REXO4: variants seen among roughly 807,000 people sequenced by gnomAD.
REXO4 encodes RNA exonuclease 4.
In REXO4, 29 loss-of-function variants were observed where a neutral mutation model predicts 39.9. The ratio of observed to expected loss-of-function variants is 0.73; its 90% confidence interval spans 0.54 to 0.99. REXO4 has a LOEUF of 0.99. REXO4 is among the 50% of genes least tolerant of loss of function. The pLI, the probability that REXO4 is intolerant of heterozygous loss-of-function variation, is 0.00. For synonymous variants in REXO4, 184 were observed against 206.2 expected (o/e 0.89, Z 0.92); for missense variants, 524 against 546.5 (o/e 0.96, Z 0.41).
chr9:133,410,827 A>G (rs1415274141), intron 5 of REXO4, among the ~76,000 whole-genome samples, 158 bp downstream of exon 5: 2 of 152,188 alleles, frequency 1.3e-5, no homozygotes, highest in Non-Finnish European at 2.9e-5. Flanking sequence ...CCTAAAACAC[A>G]GTAAGAACTC....
In REXO4 at chr9:133,406,889, T is replaced by C; in HGVS notation, c.*64A>G. On this transcript the variant is annotated 3_prime_UTR_variant, in exon 8 of 8. Coordinates refer to ENST00000371942, the MANE Select transcript of REXO4 (RefSeq NM_020385.4). ...GAGTTGCCACTCTGGGGAGATGTGA[T>C]CTGTCCCTGTGACTGGTCACATTGC... The C allele has an allele frequency of 6.3e-7, 1 of 1,599,224 alleles. No individual in the cohort carries two copies. The highest frequency in any genetic ancestry group is 8.5e-7 in the Non-Finnish European group (1 of 1,177,912).
rs1839064696 is a variant in REXO4 at position 133,408,934 on chromosome 9, T to TGTGTGTGTGTGTG, written c.1000-93_1000-92insCACACACACACAC. On this transcript the variant is annotated intron_variant, in intron 5 of 7. Transcript: ENST00000371942. ...CCGCCACCTTTTGCAAGTAACATCT[T>TGTGTGTGTGTGTG]TGTGTGTGTGTGTGTGTGTGTGTGT... 1.1e-3 allele frequency: 346 copies of TGTGTGTGTGTGTG among 322,010 alleles called. 39 individuals carry two copies. Among genetic ancestry groups the TGTGTGTGTGTGTG allele is most frequent in the East Asian group, 2.6e-3 (35 of 13,278 alleles). The allele number at this position is 322,010 out of a possible 1,614,324, so 19.9% of individuals were successfully genotyped here.
In REXO4 at chr9:133,410,254, T is replaced by C. The variant is rs1368998121; in HGVS notation, c.999+731A>G. The stretch of plus-strand genomic sequence containing the variant: ...TAAGTGTCTCTCCCATCTAGCAGAC[T>C]GGCCTCCCCGCTGTTCCCACTGTGT... On this transcript the variant is annotated intron_variant, in intron 5 of 7. Transcript: ENST00000371942. Among the ~76,000 whole-genome samples, 3 of 152,210 alleles carry C rather than the reference T, an allele frequency of 2.0e-5. No individual in the cohort carries two copies. In the East Asian group the frequency reaches 5.8e-4, roughly 29 times the overall value.
chr9:133,415,096 T>A, intron 1 of REXO4, 85 bp from the exon 2 acceptor site: 1 of 937,648 alleles, frequency 1.1e-6, no homozygotes, highest in Non-Finnish European at 1.6e-6. Context: ...TGTATGTATA[T>A]ACACACATAT....
In REXO4 at chr9:133,414,765, CTTTCT is replaced by C; in HGVS notation, c.467_471del (p.Lys156ArgfsTer9). The C allele has an allele frequency of 1.9e-6, 3 of 1,614,176 alleles. No individual in the cohort carries two copies. The highest frequency in any genetic ancestry group is 2.5e-6 in the Non-Finnish European group (3 of 1,180,032). ...TCACCATTTGTCCTTTCCTTGGTTCCTTTCTTATTGTGCTCTGTTCCACTGGCCTT... is the reference window on the plus strand; with the variant it reads ...TCACCATTTGTCCTTTCCTTGGTTCCTATTGTGCTCTGTTCCACTGGCCTT... On this transcript the variant is annotated frameshift_variant, in exon 2 of 8. Coordinates refer to ENST00000371942, the MANE Select transcript of REXO4 (RefSeq NM_020385.4). LOFTEE classifies it high-confidence loss of function.
chr9:133,418,072 G>A (rs1664687224), upstream of REXO4: 1 of 551,438 alleles, frequency 1.8e-6, no homozygotes, highest in South Asian at 2.3e-5. Flanking sequence ...GCTGGAAACC[G>A]GATCCCTGCC....
chr9:133,414,358 C>G (rs1554780943), intron 2 of REXO4: 1 of 583,216 alleles, frequency 1.7e-6, no homozygotes, highest in Admixed American at 2.2e-5. Context: ...CCAAACCACC[C>G]AACTGGCGAG....
chr9:133,411,125 A>G lies in REXO4; in HGVS notation c.911-52T>C, dbSNP rs1839191276. On this transcript the variant is annotated intron_variant, in intron 4 of 7. Transcript: ENST00000371942. The stretch of plus-strand genomic sequence containing the variant: ...TTTTTGCAACACACACATCACCATC[A>G]TTCTGTGAGGAGGCAGCCCCGCTCC... The G allele has an allele frequency of 8.2e-6, 12 of 1,464,586 alleles. No individual in the cohort carries two copies. In the Admixed American group the frequency reaches 1.0e-4, roughly 12 times the overall value. The allele number at this position is 1,464,586 out of a possible 1,614,324, so 90.7% of individuals were successfully genotyped here.
intron 1 of REXO4, among the ~76,000 whole-genome samples, chr9:133,416,916 G>A (rs1839652913): frequency 6.6e-6 from 1 of 152,234 alleles, no homozygotes; most frequent in Non-Finnish European, 1.5e-5. Flanking sequence ...AAGACCGTAA[G>A]TGTCGCTAGA....
At position 133,407,937 on chromosome 9, in the gene REXO4, C is replaced by A; in HGVS notation, c.1075-56G>T. On this transcript the variant is annotated intron_variant, in intron 6 of 7. Transcript: ENST00000371942. ...TCTGCAGGCTCGGCCCAAAGAGGGT[C>A]ACCCCACCAAGCAGGGAGCGGTTGG... 2.1e-6 allele frequency: 3 copies of A among 1,411,290 alleles called. No individual in the cohort carries two copies. The South Asian group carries it at 3.5e-5, about 17-fold the overall frequency. The allele number at this position is 1,411,290 out of a possible 1,614,324, so 87.4% of individuals were successfully genotyped here. A position where few individuals can be genotyped will look rare whatever the true frequency, so the allele number is the denominator to read the frequency against.
chr9:133,411,000 CAG>C lies in REXO4; in HGVS notation c.982_983del (p.Leu328AlafsTer2). On this transcript the variant is annotated frameshift_variant, in exon 5 of 8. Transcript: ENST00000371942. LOFTEE classifies it high-confidence loss of function. Reference sequence around the variant, plus strand: ...AGCCCAGTACCTTTAGGTCATTATGCAGAGCGTGCCCCACTAGAATTCTGCCC... The same window carrying C: ...AGCCCAGTACCTTTAGGTCATTATGCAGCGTGCCCCACTAGAATTCTGCCC... ...LKGRILVGHA[L>X]HNDLKVLFLD... is the part of the protein sequence containing the mutation. The C allele has an allele frequency of 6.2e-7, 1 of 1,614,058 alleles. No homozygotes were observed. Among genetic ancestry groups the C allele is most frequent in the Non-Finnish European group, 8.5e-7 (1 of 1,179,894 alleles).
chr9:133,412,522 T>C (rs782371390), intron 3 of REXO4, 30 bp from the exon 4 acceptor site: 12 of 1,610,762 alleles, frequency 7.4e-6, no homozygotes, highest in Non-Finnish European at 9.3e-6. Flanking sequence ...TGTAGTTTAA[T>C]AAACACGGCA....
At position 133,406,839 on chromosome 9, in the gene REXO4, C is replaced by T; in HGVS notation, c.*114G>A. On this transcript the variant is annotated 3_prime_UTR_variant, in exon 8 of 8. Coordinates refer to ENST00000371942, the MANE Select transcript of REXO4 (RefSeq NM_020385.4). ...AGTAGCACCACGCCACGCCCCTCTG[C>T]CATGATTCTGAAAAGGTTTCACCAG... 1 of 1,503,034 alleles carries T rather than the reference C, an allele frequency of 6.7e-7. No individual in the cohort carries two copies. The highest frequency in any genetic ancestry group is 9.0e-7 in the Non-Finnish European group (1 of 1,105,252). 93.1% of individuals were successfully genotyped at this position (1,503,034 alleles called of 1,614,324 possible). A position where few individuals can be genotyped will look rare whatever the true frequency, so the allele number is the denominator to read the frequency against.
intron 1 of REXO4, among the ~76,000 whole-genome samples, chr9:133,416,590 G>C (rs967370704): frequency 2.0e-5 from 3 of 152,134 alleles, no homozygotes; most frequent in Non-Finnish European, 4.4e-5. Flanking sequence ...AGCTCCAAGG[G>C]ATGTGGTAAG....
At chr9:133,410,464 C>T (rs1300797709) in intron 5 of REXO4, among the ~76,000 whole-genome samples, 4 of 152,344 alleles carry the variant, frequency 2.6e-5, no homozygotes, top group African/African-American at 9.6e-5. Context: ...TGTCTTTGAA[C>T]TTGTTTCCCA....
Position 133,414,910 on chromosome 9 carries a change from C to G in REXO4, c.327G>C (p.Glu109Asp). 6.2e-7 allele frequency: 1 copy of G among 1,614,054 alleles called. No individual in the cohort carries two copies. The highest frequency in any genetic ancestry group is 8.5e-7 in the Non-Finnish European group (1 of 1,179,998). ...CCTCTCCCTTCACTTGAGGCGAGGT[C>G]TCTTTTTTGTTTTGCTGGATAATTT... ...KPKIIQQNKK[E>D]TSPQVKGEEM... is the part of the protein sequence containing the mutation. The change falls in exon 2 of 8, where the codon GAG (glutamate) becomes GAC (aspartate). Residue 109 changes from glutamate (E) to aspartate (D), a missense_variant. Coordinates refer to ENST00000371942, the MANE Select transcript of REXO4 (RefSeq NM_020385.4).
In REXO4 at chr9:133,417,673, G is replaced by T. The variant is rs1554781955; in HGVS notation, c.172C>A (p.Arg58=). The T allele has an allele frequency of 1.9e-6, 3 of 1,614,070 alleles. No homozygotes were observed. Among genetic ancestry groups the T allele is most frequent in the Non-Finnish European group, 2.5e-6 (3 of 1,179,966 alleles). ...AAGTCTTCTGGTGCCTTTGGAGGTCGCACCACAGCACCGGGGCCGCTTGCT... is the reference window on the plus strand; with the variant it reads ...AAGTCTTCTGGTGCCTTTGGAGGTCTCACCACAGCACCGGGGCCGCTTGCT... ...KPASGPGAVV[R]PPKAPEDFSQ... Residue 58 remains arginine (R), a synonymous_variant, in exon 1 of 8, where the codon CGA becomes AGA. Coordinates refer to ENST00000371942, the MANE Select transcript of REXO4 (RefSeq NM_020385.4).
In REXO4 at chr9:133,412,455, C is replaced by T; in HGVS notation, c.754G>A (p.Gly252Ser). 6.2e-7 allele frequency: 1 copy of T among 1,614,126 alleles called. No individual in the cohort carries two copies. Among genetic ancestry groups the T allele is most frequent in the Non-Finnish European group, 8.5e-7 (1 of 1,180,036 alleles). Residue 252 changes from glycine to serine, a missense_variant, in exon 4 of 8, where the codon GGC becomes AGC. Gly to Ser is a moderately conservative substitution (Grantham distance 56). Transcript: ENST00000371942. ...RALALDCEMV[G>S]VGPKGEESMA... ...CTCTCCTCCCCCTTAGGGCCCACGCCCACCATCTCACAGTCCAAGGCTAAG... is the reference window on the plus strand; with the variant it reads ...CTCTCCTCCCCCTTAGGGCCCACGCTCACCATCTCACAGTCCAAGGCTAAG...
chr9:133,414,643 T>G (rs1554781083), intron 2 of REXO4, 22 bp downstream of exon 2: 3 of 1,609,904 alleles, frequency 1.9e-6, no homozygotes, highest in Non-Finnish European at 2.6e-6. Flanking sequence ...CGGTTCTCAG[T>G]GGTGAGGTGG....
Sources: allele counts gnomAD v4.1 joint callset (sites outside exome capture counted in the v4.1 genomes callset), GRCh38; gene constraint gnomAD v4.1.1; transcripts MANE v1.5; gene names NCBI Gene and HGNC (gene_info 2026-07-23, HGNC 2026-07-21).